LRCH2: variants seen among roughly 807,000 people sequenced by gnomAD.
LRCH2 encodes the protein leucine-rich repeat and calponin homology domain-containing protein 2.
In LRCH2, 38 loss-of-function variants were observed where a neutral mutation model predicts 68.9. That is an observed-to-expected ratio of 0.55 (90% CI 0.43 to 0.72). LRCH2 has a LOEUF of 0.72. Among genes scored for constraint, LRCH2 ranks in the 30% least tolerant of loss-of-function variants. The pLI is 0.00. For missense variants in LRCH2, 528 were observed against 572.9 expected (o/e 0.92, Z 0.80); for synonymous variants, 191 against 208.1 (o/e 0.92, Z 0.71).
At chrX:115,170,139 A>T (rs2072593670) in intron 6 of LRCH2, among the ~76,000 whole-genome samples, 160 bp downstream of exon 6, 1 of 111,919 alleles carries the variant, frequency 8.9e-6, no homozygotes, top group Non-Finnish European at 1.9e-5. Context: ...GTATCCTAGA[A>T]CTTCATTCTA....
intron 1 of LRCH2, chrX:115,189,734 C>A (rs1486611463): frequency 6.8e-5 from 79 of 1,165,706 alleles, no homozygotes; most frequent in Non-Finnish European, 8.8e-5. Flanking sequence ...GTCCCGCCAA[C>A]CCCCGGCAGC....
intron 1 of LRCH2, among the ~76,000 whole-genome samples, chrX:115,215,647 G>A (rs1396318239): frequency 1.9e-5 from 2 of 108,017 alleles, no homozygotes; most frequent in Non-Finnish European, 3.8e-5. Context: ...TGTAGTCCCA[G>A]CTACCCAGGA....
intron 5 of LRCH2, among the ~76,000 whole-genome samples, chrX:115,173,959 C>T (rs988683063): frequency 1.8e-5 from 2 of 112,087 alleles, no homozygotes; most frequent in Admixed American, 1.9e-4. Context: ...TGTAAGAATA[C>T]AGTAAATAAC....
rs5988239 is a variant in LRCH2, at chrX:115,228,534, G to A, written c.349+5159C>T. Among the ~76,000 whole-genome samples, 949 of 110,606 alleles carry A rather than the reference G, an allele frequency of 8.6e-3. 9 individuals carry two copies. The highest frequency in any genetic ancestry group is 0.029 in the African/African-American group (895 of 30,416). On this transcript the variant is annotated intron_variant, in intron 1 of 20. Transcript: ENST00000317135. ...TGTGTGCCTAGGAACTTAAACAAAT[G>A]GCACCTCCCAGCAAATCAATTTTGT... is the stretch of plus-strand genomic sequence containing the variant.
intron 1 of LRCH2, among the ~76,000 whole-genome samples, chrX:115,228,149 G>C (rs1556577102): frequency 8.9e-6 from 1 of 111,826 alleles, no homozygotes; most frequent in African/African-American, 3.3e-5. Context: ...TGCACTAGCT[G>C]AAAGTGAGAG....
chrX:115,196,357 C>G (rs1458697098), intron 1 of LRCH2, among the ~76,000 whole-genome samples: 1 of 111,350 alleles, frequency 9.0e-6, no homozygotes, highest in Non-Finnish European at 1.9e-5. Context: ...GCAGTCACCT[C>G]TCACCCAAGC....
chrX:115,224,103 G>A (rs1185458685), intron 1 of LRCH2, among the ~76,000 whole-genome samples: 1 of 111,692 alleles, frequency 9.0e-6, no homozygotes, highest in Non-Finnish European at 1.9e-5. Context: ...AGTTAAAGAA[G>A]CCAATCATAA....
chrX:115,171,230 AAC>A (rs2072602510), intron 5 of LRCH2, among the ~76,000 whole-genome samples: 1 of 111,731 alleles, frequency 9.0e-6, no homozygotes, highest in African/African-American at 3.2e-5. Context: ...CAGCAAAGAA[AAC>A]AGTAAGACAA....
chrX:115,116,741 C>G (rs1473832553), intron 20 of LRCH2, among the ~76,000 whole-genome samples: 7 of 110,967 alleles, frequency 6.3e-5, no homozygotes, highest in Admixed American at 3.9e-4. Context: ...AAAAAGAGAA[C>G]TTCAATCCAT....
intron 1 of LRCH2, among the ~76,000 whole-genome samples, chrX:115,232,298 A>G (rs979997996): frequency 9.0e-6 from 1 of 110,731 alleles, no homozygotes; most frequent in Non-Finnish European, 1.9e-5. Flanking sequence ...AAATCACTAT[A>G]ATGATGCAGT....
At chrX:115,188,115 C>T in intron 2 of LRCH2, 111 bp downstream of exon 2, 1 of 499,517 alleles carries the variant, frequency 2.0e-6, no homozygotes, top group Non-Finnish European at 3.1e-6. Context: ...AAATAAGATA[C>T]TGTTGAGATA....
At chrX:115,202,085 A>G (rs1434277710) in intron 1 of LRCH2, among the ~76,000 whole-genome samples, 1 of 112,172 alleles carries the variant, frequency 8.9e-6, no homozygotes, top group East Asian at 2.8e-4. Flanking sequence ...GCCCAAAGCA[A>G]TCTACAGGTT....
At position 115,163,678 on chromosome X, in the gene LRCH2, GTTC is replaced by G; in HGVS notation, c.1458_1460del (p.Lys486del). On this transcript the variant is annotated inframe_deletion, in exon 11 of 21. Transcript: ENST00000317135. ...AATCTCATTACTGAAAGGAATACCT[GTTC>G]TTCTGTTCTTGCTGCAATAACTGAG... 8.5e-7 allele frequency: 1 copy of G among 1,175,397 alleles called. No homozygotes were observed. Among genetic ancestry groups the G allele is most frequent in the Non-Finnish European group, 1.1e-6 (1 of 870,760 alleles).
At position 115,184,498 on chromosome X, in the gene LRCH2, A is replaced by G; in HGVS notation, c.534T>C (p.Asp178=). ...LLSTLPKYLF[D]LPLKVLVVSN... ...TGACGACCAAAACTTTAAGGGGAAG[A>G]TCAAATAGGTATTTTGGCAATGTTG... The change falls in exon 3 of 21, where the codon GAT becomes GAC. Residue 178 remains aspartate, a synonymous_variant. Coordinates refer to ENST00000317135, the MANE Select transcript of LRCH2 (RefSeq NM_020871.4). The G allele has an allele frequency of 8.4e-7, 1 of 1,188,114 alleles. No homozygotes were observed. The highest frequency in any genetic ancestry group is 1.1e-6 in the Non-Finnish European group (1 of 884,217).
intron 12 of LRCH2, among the ~76,000 whole-genome samples, chrX:115,156,369 A>G (rs185024234): frequency 8.9e-6 from 1 of 111,808 alleles, no homozygotes; most frequent in Admixed American, 9.5e-5. Context: ...GAACAAATAA[A>G]TGATTCTATC....
chrX:115,168,819 A>T (rs782445082), intron 6 of LRCH2, among the ~76,000 whole-genome samples: 3 of 111,401 alleles, frequency 2.7e-5, no homozygotes, highest in Non-Finnish European at 5.7e-5. Context: ...AATGAGTCAA[A>T]TCATGTTATT....
In LRCH2 at chrX:115,170,371, A is replaced by G; in HGVS notation, c.926T>C (p.Met309Thr). The change falls in exon 6 of 21, where the codon ATG becomes ACG. Residue 309 changes from methionine to threonine, a missense_variant. By Grantham distance (81) the Met-to-Thr change is moderately conservative. Coordinates refer to ENST00000317135, the MANE Select transcript of LRCH2 (RefSeq NM_020871.4). ...ATCCAGGGAATCTGGTTTCTTATCC[A>G]TTCTGCAACATGCTTGAATATTTAA... ...KYLNIQACCRMDKKPDSLDLP... is the reference protein window; with the variant it reads ...KYLNIQACCRTDKKPDSLDLP... 8.5e-7 allele frequency: 1 copy of G among 1,178,377 alleles called. No homozygotes were observed. Among genetic ancestry groups the G allele is most frequent in the South Asian group, 1.9e-5 (1 of 51,745 alleles).
intron 12 of LRCH2, among the ~76,000 whole-genome samples, chrX:115,155,051 AAAAAAAAAAAAGAG>A (rs1319027097): frequency 5.9e-5 from 6 of 100,928 alleles, no homozygotes; most frequent in African/African-American, 1.8e-4. Flanking sequence ...AAAAAAAAAA[AAAAAAAAAAAAGAG>A]AGAGAGAGAG....
intron 1 of LRCH2, among the ~76,000 whole-genome samples, chrX:115,227,903 A>AT (rs2073129397): frequency 9.0e-6 from 1 of 111,538 alleles, no homozygotes; most frequent in South Asian, 3.8e-4. Context: ...TCTGTCACAA[A>AT]TTAGAAAAGA....
Sources: gnomAD v4.1 joint callset for allele counts (sites outside exome capture counted in the v4.1 genomes callset) on GRCh38, gnomAD v4.1.1 for gene constraint, MANE v1.5 for transcripts, NCBI Gene and HGNC (gene_info 2026-07-23, HGNC 2026-07-21) for gene names.